Variants in ADAMTS20 observed in about 807,000 individuals in gnomAD.
ADAMTS20 encodes A disintegrin and metalloproteinase with thrombospondin motifs 20.
Under a neutral mutation model 260.1 loss-of-function variants are expected in ADAMTS20, and 225 were observed. The ratio of observed to expected loss-of-function variants is 0.87; its 90% CI spans 0.78 to 0.97. The LOEUF is 0.97. Ranked by LOEUF, ADAMTS20 falls within the 50% of genes least tolerant of loss-of-function variation. The pLI, the probability that ADAMTS20 is intolerant of heterozygous loss-of-function variation, is 0.00. For missense variants in ADAMTS20, 2,400 were observed against 2,337.7 expected (o/e 1.03, Z -0.55); for synonymous variants, 802 against 769.5 (o/e 1.04, Z -0.70).
chr12:43,499,265 C>A (rs915007678), intron 4 of ADAMTS20, among the ~76,000 whole-genome samples: 5 of 152,162 alleles, frequency 3.3e-5, no homozygotes, highest in Non-Finnish European at 4.4e-5. Context: ...ATTCTGTCTT[C>A]AACAGAAACC....
At chr12:43,440,207 A>T in intron 16 of ADAMTS20, 138 bp from the exon 17 acceptor site, 3 of 651,646 alleles carry the variant, frequency 4.6e-6, no homozygotes, top group Non-Finnish European at 7.6e-6. Flanking sequence ...ACAGTGGCAC[A>T]ATATTGGCTC....
At chr12:43,493,313 A>G (rs951924325) in intron 4 of ADAMTS20, 60 bp from the exon 5 acceptor site, 3 of 1,196,266 alleles carry the variant, frequency 2.5e-6, no homozygotes, top group Non-Finnish European at 3.6e-6. Context: ...CTCAAAAGTA[A>G]GTTGAAATAG....
chr12:43,496,944 G>A (rs990333096), intron 4 of ADAMTS20, among the ~76,000 whole-genome samples: 5 of 152,078 alleles, frequency 3.3e-5, no homozygotes, highest in African/African-American at 7.2e-5. Flanking sequence ...ACCATGGAGC[G>A]TATCATAGGA....
At chr12:43,550,553 A>G (rs1484947876) in intron 2 of ADAMTS20, among the ~76,000 whole-genome samples, 1 of 152,164 alleles carries the variant, frequency 6.6e-6, no homozygotes, top group Non-Finnish European at 1.5e-5. Context: ...TTCTGCCTCA[A>G]TAGGACCACG....
At chr12:43,381,863 C>T (rs1027457932) in intron 31 of ADAMTS20, among the ~76,000 whole-genome samples, 4 of 144,496 alleles carry the variant, frequency 2.8e-5, no homozygotes, top group Admixed American at 2.8e-4. Flanking sequence ...CTAAAACACA[C>T]ACAAAAAGAT....
intron 8 of ADAMTS20, among the ~76,000 whole-genome samples, chr12:43,467,785 A>G (rs1397957006): frequency 6.6e-6 from 1 of 152,158 alleles, no homozygotes; most frequent in Non-Finnish European, 1.5e-5. Context: ...ATGATCGTTT[A>G]CTAAAAATTA....
intron 7 of ADAMTS20, among the ~76,000 whole-genome samples, chr12:43,474,022 C>T (rs1426092925): frequency 2.0e-5 from 3 of 151,022 alleles, no homozygotes; most frequent in Non-Finnish European, 2.9e-5. Context: ...ACACAAAAAA[C>T]CCTTCAAAAA....
At chr12:43,378,137 C>T (rs1940271168) in intron 31 of ADAMTS20, among the ~76,000 whole-genome samples, 1 of 152,182 alleles carries the variant, frequency 6.6e-6, no homozygotes, top group Non-Finnish European at 1.5e-5. Context: ...ACAACTAAAA[C>T]ATCTGAACAA....
intron 18 of ADAMTS20, among the ~76,000 whole-genome samples, chr12:43,437,253 G>A (rs1941574942): frequency 6.6e-6 from 1 of 152,018 alleles, no homozygotes; most frequent in East Asian, 1.9e-4. Flanking sequence ...AGAAAACAAT[G>A]AATTTGAGAG....
rs781255282 is a variant in ADAMTS20, at chr12:43,452,426, AG to A, written c.1943-17del. On this transcript the variant is annotated splice_polypyrimidine_tract_variant and intron_variant, in intron 13 of 38. Coordinates refer to ENST00000389420, the MANE Select transcript of ADAMTS20 (RefSeq NM_025003.5). ...TTTGTGCCAACTGTAAAAAAGAAAA[AG>A]GTCAAATTTTTAATGTATAATAATA... The A allele has an allele frequency of 7.0e-5, 113 of 1,605,266 alleles. No individual in the cohort carries two copies. The highest frequency in any genetic ancestry group is 5.0e-4 in the Middle Eastern group (3 of 5,976).
At chr12:43,358,620 C>A (rs1012208752) in intron 37 of ADAMTS20, among the ~76,000 whole-genome samples, 1 of 151,672 alleles carries the variant, frequency 6.6e-6, no homozygotes, top group South Asian at 2.1e-4. Context: ...GGGCGGATCA[C>A]GAGGTCAGGA....
intron 28 of ADAMTS20, among the ~76,000 whole-genome samples, chr12:43,424,815 A>G (rs533487527): frequency 6.6e-6 from 1 of 152,028 alleles, no homozygotes; most frequent in East Asian, 1.9e-4. Flanking sequence ...AAGTTCACAT[A>G]TTAAAAAATA....
chr12:43,428,786 C>A lies in ADAMTS20; in HGVS notation c.3503G>T (p.Cys1168Phe), dbSNP rs750151976. The A allele has an allele frequency of 3.1e-6, 5 of 1,605,336 alleles. No homozygotes were observed. The African/African-American group carries it at 6.7e-5, about 22-fold the overall frequency. The change falls in exon 25 of 39, where the codon TGT (cysteine) becomes TTT (phenylalanine). Residue 1168 changes from cysteine (C) to phenylalanine (F), a missense_variant. By Grantham distance (205) the Cys-to-Phe change is radical (BLOSUM62 -2). Coordinates refer to ENST00000389420, the MANE Select transcript of ADAMTS20 (RefSeq NM_025003.5). ...ATAGCGGGCTTGAGTACCTCTTCCACAAGATACGGAGCACTTTTTAAGAAA... is the reference window on the plus strand; with the variant it reads ...ATAGCGGGCTTGAGTACCTCTTCCAAAAGATACGGAGCACTTTTTAAGAAA... The part of the protein sequence containing the change: ...HGSWTPCSVS[C>F]GRGTQARYVS...
At chr12:43,409,624 A>AAAAAAAAAAAAC (rs1565684968) in intron 28 of ADAMTS20, among the ~76,000 whole-genome samples, 1 of 140,604 alleles carries the variant, frequency 7.1e-6, no homozygotes, top group African/African-American at 2.6e-5. Flanking sequence ...AAAAAAAAAA[A>AAAAAAAAAAAAC]AAAAAACAAG....
chr12:43,390,662 G>C (rs1042802607), intron 29 of ADAMTS20, among the ~76,000 whole-genome samples: 1 of 152,158 alleles, frequency 6.6e-6, no homozygotes, highest in African/African-American at 2.4e-5. Context: ...TTTCGAGCAA[G>C]CATGGACTTT....
At chr12:43,486,684 A>G (rs1442948773) in intron 7 of ADAMTS20, among the ~76,000 whole-genome samples, 8 of 152,192 alleles carry the variant, frequency 5.3e-5, no homozygotes, top group African/African-American at 1.9e-4. Flanking sequence ...GCATGTGACA[A>G]AGGACTAATA....
chr12:43,467,723 G>A (rs1942180447), intron 8 of ADAMTS20, among the ~76,000 whole-genome samples: 1 of 152,062 alleles, frequency 6.6e-6, no homozygotes, highest in African/African-American at 2.4e-5. Flanking sequence ...AATAAAGTGT[G>A]TAGCTTGTTG....
At chr12:43,427,723 A>T (rs1941360511) in intron 26 of ADAMTS20, among the ~76,000 whole-genome samples, 1 of 152,208 alleles carries the variant, frequency 6.6e-6, no homozygotes. Context: ...TTTCTATCAT[A>T]AGTGTTAAGT....
intron 4 of ADAMTS20, among the ~76,000 whole-genome samples, chr12:43,495,973 A>G (rs755063981): frequency 2.0e-5 from 3 of 152,096 alleles, no homozygotes; most frequent in Non-Finnish European, 4.4e-5. Context: ...TTATTGAACA[A>G]CTCTATTCAA....
Sources: gnomAD v4.1 joint callset for allele counts (sites outside exome capture counted in the v4.1 genomes callset) on GRCh38, gnomAD v4.1.1 for gene constraint, MANE v1.5 for transcripts, NCBI Gene and HGNC (gene_info 2026-07-23, HGNC 2026-07-21) for gene names.